Variants in CD200R1 observed in about 807,000 individuals in gnomAD.
CD200R1 encodes the protein CD200 receptor 1.
CD200R1 carries 30 observed loss-of-function variants against 38.1 expected under a neutral mutation model. The observed-to-expected ratio is 0.79, with a 90% CI of 0.59 to 1.07. CD200R1 has a LOEUF of 1.07. Ranked by LOEUF, CD200R1 falls within the 50% of genes least tolerant of loss-of-function variation. The probability of loss-of-function intolerance (pLI) is 0.00; values close to 1 mark genes in which losing one functional copy is unlikely to be tolerated. For missense variants in CD200R1, 372 were observed against 415.4 expected (o/e 0.90, Z 0.91); for synonymous variants, 128 against 152.1 (o/e 0.84, Z 1.16).
intron 5 of CD200R1, among the ~76,000 whole-genome samples, chr3:112,926,312 G>A (rs1405861344): frequency 6.6e-6 from 1 of 152,160 alleles, no homozygotes; most frequent in African/African-American, 2.4e-5. Context: ...TGAGCAGGCT[G>A]GCCTCTGGTC....
At chr3:112,953,211 A>G (rs1211847555) in intron 1 of CD200R1, among the ~76,000 whole-genome samples, 1 of 152,178 alleles carries the variant, frequency 6.6e-6, no homozygotes, top group Non-Finnish European at 1.5e-5. Context: ...TATGGAAATG[A>G]TCATCTGGTT....
chr3:112,922,283 T>C lies in CD200R1; in HGVS notation c.*1394A>G, dbSNP rs922292801. The C allele has an allele frequency of 1.3e-5, 2 of 152,030 alleles. No homozygotes were observed. The highest frequency in any genetic ancestry group is 2.4e-5 in the African/African-American group (1 of 41,450). The allele number at this position is 152,030 out of a possible 1,614,324, so 9.4% of individuals were successfully genotyped here. A position where few individuals can be genotyped will look rare whatever the true frequency, so the allele number is the denominator to read the frequency against. Reference sequence around the variant, plus strand: ...TCTATCATGATGAAAAAACTTCTCATGTTTTTTCTGCTATGGAGCAAATAG... The same window carrying C: ...TCTATCATGATGAAAAAACTTCTCACGTTTTTTCTGCTATGGAGCAAATAG... On this transcript the variant is annotated 3_prime_UTR_variant, in exon 8 of 8. Transcript: ENST00000308611.
At chr3:112,953,873 A>G (rs568347463) in intron 1 of CD200R1, among the ~76,000 whole-genome samples, 1 of 151,314 alleles carries the variant, frequency 6.6e-6, no homozygotes, top group African/African-American at 2.4e-5. Flanking sequence ...TGTTGATTTT[A>G]TTTATCTTTT....
chr3:112,970,713 A>T (rs1933283433), intron 1 of CD200R1, among the ~76,000 whole-genome samples: 1 of 152,152 alleles, frequency 6.6e-6, no homozygotes, highest in Non-Finnish European at 1.5e-5. Context: ...AATATTCATG[A>T]CCTTATTGGG....
chr3:112,946,228 T>C (rs1310610305), intron 2 of CD200R1, among the ~76,000 whole-genome samples: 2 of 152,186 alleles, frequency 1.3e-5, no homozygotes, highest in African/African-American at 4.8e-5. Flanking sequence ...TCTAGATTAC[T>C]TATAATACCT....
chr3:112,939,230 A>T (rs999609817), intron 2 of CD200R1, among the ~76,000 whole-genome samples: 3 of 151,880 alleles, frequency 2.0e-5, no homozygotes, highest in Non-Finnish European at 4.4e-5. Flanking sequence ...AAAAGTGCCT[A>T]CTCTCACCCT....
rs751680355 is a variant in CD200R1 at position 112,929,084 on chromosome 3, A to G, written c.521-20T>C. ...GTGTAACTGCAGAGAGGAAAGAGGG[A>G]AAAAAATGCTTCGGTTTTCACATAA... On this transcript the variant is annotated intron_variant, in intron 4 of 7. Coordinates refer to ENST00000308611, the MANE Select transcript of CD200R1 (RefSeq NM_138806.4). 1.2e-5 allele frequency: 19 copies of G among 1,612,040 alleles called. 1 individual carries two copies. The highest frequency in any genetic ancestry group is 4.5e-5 in the East Asian group (2 of 44,870).
At chr3:112,934,668 A>G (rs1038536884) in intron 2 of CD200R1, among the ~76,000 whole-genome samples, 15 of 152,090 alleles carry the variant, frequency 9.9e-5, no homozygotes, top group Non-Finnish European at 2.2e-4. Context: ...CATCCCTACT[A>G]AAAATACAAA....
At chr3:112,960,701 A>G (rs1932995377) in intron 1 of CD200R1, among the ~76,000 whole-genome samples, 1 of 152,044 alleles carries the variant, frequency 6.6e-6, no homozygotes, top group African/African-American at 2.4e-5. Flanking sequence ...GGGAATAACT[A>G]TACCTCAAAA....
rs998073166 is a variant in CD200R1, at chr3:112,940,358, C to T, written c.136+7498G>A. Among the ~76,000 whole-genome samples, 3 of 151,490 alleles carry T rather than the reference C, an allele frequency of 2.0e-5. No individual in the cohort carries two copies. The South Asian group carries it at 6.2e-4, about 31-fold the overall frequency. On this transcript the variant is annotated intron_variant, in intron 2 of 7. Transcript: ENST00000308611. ...ACTAAAAACCTTCTGCACAGCAAAA[C>T]AATAAACAGAATGAATAAACTTACA... is the stretch of plus-strand genomic sequence containing the variant.
chr3:112,943,088 G>GT (rs1408649074), intron 2 of CD200R1, among the ~76,000 whole-genome samples: 4 of 151,666 alleles, frequency 2.6e-5, no homozygotes, highest in African/African-American at 9.7e-5. Context: ...CAGAAATTCA[G>GT]TAACAAAATA....
intron 1 of CD200R1, among the ~76,000 whole-genome samples, chr3:112,959,042 A>T (rs1020174602): frequency 7.9e-5 from 12 of 152,112 alleles, no homozygotes; most frequent in African/African-American, 2.9e-4. Context: ...CATGTTAAGC[A>T]GTTTTTATTT....
At chr3:112,947,711 A>G in intron 2 of CD200R1, 145 bp downstream of exon 2, 1 of 515,940 alleles carries the variant, frequency 1.9e-6, no homozygotes, top group Non-Finnish European at 3.5e-6. Flanking sequence ...TAATTTCAGA[A>G]TGAAAAATTT....
intron 1 of CD200R1, among the ~76,000 whole-genome samples, chr3:112,968,411 A>G (rs957221484): frequency 6.6e-6 from 1 of 152,240 alleles, no homozygotes; most frequent in East Asian, 1.9e-4. Context: ...TCCACAGGTA[A>G]GAACTATAAA....
rs540864481 is a variant in CD200R1, at chr3:112,951,170, G to A, written c.68-3246C>T. On this transcript the variant is annotated intron_variant, in intron 1 of 7. Coordinates refer to ENST00000308611, the MANE Select transcript of CD200R1 (RefSeq NM_138806.4). ...GAACACAAATCTCTAATATCAGGAA[G>A]GAAGGAAGGGTCATTCATATAGATT... Among the ~76,000 whole-genome samples the A allele has an allele frequency of 1.4e-4, 22 of 151,974 alleles. No homozygotes were observed. The East Asian group carries it at 4.2e-3, about 29-fold the overall frequency.
At chr3:112,970,187 A>C (rs1404307421) in intron 1 of CD200R1, among the ~76,000 whole-genome samples, 1 of 152,286 alleles carries the variant, frequency 6.6e-6, no homozygotes, top group East Asian at 1.9e-4. Flanking sequence ...GTCTCAAAAA[A>C]GAAATAGAAA....
intron 2 of CD200R1, among the ~76,000 whole-genome samples, chr3:112,943,692 A>G (rs1940776283): frequency 6.6e-6 from 1 of 151,804 alleles, no homozygotes. Context: ...TGAAAAGATC[A>G]ATAAAATTGA....
intron 2 of CD200R1, among the ~76,000 whole-genome samples, chr3:112,936,860 C>G (rs1212990908): frequency 6.6e-6 from 1 of 152,140 alleles, no homozygotes; most frequent in Non-Finnish European, 1.5e-5. Flanking sequence ...GCATCTTTGT[C>G]ATGAAATCAT....
At chr3:112,930,954 G>T in intron 3 of CD200R1, 152 bp downstream of exon 3, 1 of 575,066 alleles carries the variant, frequency 1.7e-6, no homozygotes, top group Non-Finnish European at 3.2e-6. Flanking sequence ...TAGAGGTTGG[G>T]TCATTCAGGA....
Sources: gnomAD v4.1 joint callset for allele counts (sites outside exome capture counted in the v4.1 genomes callset) on GRCh38, gnomAD v4.1.1 for gene constraint, MANE v1.5 for transcripts, NCBI Gene and HGNC (gene_info 2026-07-23, HGNC 2026-07-21) for gene names.